GABRB1: variants seen among roughly 807,000 people sequenced by gnomAD.
GABRB1 encodes the protein gamma-aminobutyric acid receptor subunit beta-1.
GABRB1 carries 17 observed loss-of-function variants against 51.6 expected under a neutral mutation model. That is an observed-to-expected ratio of 0.33 (90% CI 0.23 to 0.49). GABRB1 has a LOEUF of 0.49. Ranked by LOEUF, GABRB1 falls within the 20% of genes least tolerant of loss-of-function variation. The pLI is 0.99. For synonymous variants in GABRB1, 247 were observed against 218.9 expected, an observed-to-expected ratio of 1.13 and a Z score of -1.14; for missense variants, 410 against 600.6, an observed-to-expected ratio of 0.68 and a Z score of 3.32.
At chr4:47,011,566 G>A (rs1376911588) in intron 1 of GABRB1, among the ~76,000 whole-genome samples, 1 of 152,172 alleles carries the variant, frequency 6.6e-6, no homozygotes, top group Admixed American at 6.5e-5. Flanking sequence ...TGCTCCCAAA[G>A]AGATCATTTG....
rs1203760644 is a variant in GABRB1, at chr4:47,303,384, C to CTATA, written c.462-16742_462-16741insATAT. On this transcript the variant is annotated intron_variant, in intron 4 of 8. Transcript: ENST00000295454. ...GAAGGTGTGCTCTCTCTCTCTCTCT[C>CTATA]TCTATATATATATATATCATTCTAA... Among the ~76,000 whole-genome samples, 4 of 123,364 alleles carry CTATA rather than the reference C, an allele frequency of 3.2e-5. No homozygotes were observed. In the Admixed American group the frequency reaches 3.5e-4, roughly 11 times the overall value. The allele number at this position is 123,364 out of a possible 152,430, so 80.9% of individuals were successfully genotyped here.
At chr4:47,239,489 A>T (rs1005083862) in intron 4 of GABRB1, among the ~76,000 whole-genome samples, 1 of 152,146 alleles carries the variant, frequency 6.6e-6, no homozygotes, top group Non-Finnish European at 1.5e-5. Flanking sequence ...TAGAGAAAAA[A>T]ATGTATTAGC....
intron 4 of GABRB1, among the ~76,000 whole-genome samples, chr4:47,283,109 C>T (rs890118322): frequency 6.6e-6 from 1 of 152,074 alleles, no homozygotes; most frequent in Non-Finnish European, 1.5e-5. Flanking sequence ...TATTGTAACA[C>T]CCTGAACATG....
chr4:47,032,636 G>A (rs749723545), intron 3 of GABRB1, 152 bp downstream of exon 3: 4 of 753,052 alleles, frequency 5.3e-6, no homozygotes, highest in African/African-American at 5.2e-5. Context: ...ACACACACCC[G>A]GTCGCCCCTG....
chr4:47,249,077 C>T (rs1433061726), intron 4 of GABRB1, among the ~76,000 whole-genome samples: 1 of 151,996 alleles, frequency 6.6e-6, no homozygotes, highest in Non-Finnish European at 1.5e-5. Flanking sequence ...TCTTGTCTCT[C>T]TCATTCCTTG....
At chr4:47,333,534 G>A (rs969203114) in intron 5 of GABRB1, among the ~76,000 whole-genome samples, 1 of 151,990 alleles carries the variant, frequency 6.6e-6, no homozygotes, top group Non-Finnish European at 1.5e-5. Context: ...GGCCAACCTG[G>A]CGAAACCCCA....
intron 4 of GABRB1, among the ~76,000 whole-genome samples, chr4:47,256,809 C>T (rs565669977): frequency 6.6e-6 from 1 of 152,214 alleles, no homozygotes; most frequent in South Asian, 2.1e-4. Flanking sequence ...CCCACCAGAC[C>T]CCTCCTCCAA....
intron 4 of GABRB1, among the ~76,000 whole-genome samples, chr4:47,295,800 T>A (rs905031197): frequency 6.6e-6 from 1 of 152,010 alleles, no homozygotes; most frequent in East Asian, 1.9e-4. Context: ...CCAAGACACA[T>A]AATTGTCAGA....
At chr4:47,093,633 A>G (rs1174005826) in intron 3 of GABRB1, among the ~76,000 whole-genome samples, 3 of 152,234 alleles carry the variant, frequency 2.0e-5, no homozygotes, top group African/African-American at 7.2e-5. Context: ...CTTAATCGAA[A>G]TAGCAAGGGA....
intron 3 of GABRB1, among the ~76,000 whole-genome samples, chr4:47,071,367 T>C (rs1040360506): frequency 6.6e-6 from 1 of 152,164 alleles, no homozygotes; most frequent in Non-Finnish European, 1.5e-5. Context: ...GTCAATGACT[T>C]CCTTTCTTAC....
intron 4 of GABRB1, among the ~76,000 whole-genome samples, chr4:47,235,942 G>T (rs533733635): frequency 6.6e-6 from 1 of 151,910 alleles, no homozygotes; most frequent in African/African-American, 2.4e-5. Context: ...TAGCACAAAC[G>T]TCCCCATTCC....
At chr4:47,126,945 G>A (rs768258811) in intron 3 of GABRB1, among the ~76,000 whole-genome samples, 4 of 151,950 alleles carry the variant, frequency 2.6e-5, no homozygotes, top group African/African-American at 9.6e-5. Flanking sequence ...TATATACAGA[G>A]AGCCTCCCAT....
intron 4 of GABRB1, among the ~76,000 whole-genome samples, chr4:47,269,935 T>TACACACACACACAC (rs10639386): frequency 0.044 from 5,992 of 135,978 alleles, 307 homozygotes; most frequent in African/African-American, 0.073. Context: ...CAACTCTCCC[T>TACACACACACACAC]ACACACACAC....
intron 1 of GABRB1, among the ~76,000 whole-genome samples, chr4:47,011,588 A>T (rs183182930): frequency 3.9e-5 from 6 of 152,320 alleles, no homozygotes; most frequent in Non-Finnish European, 7.3e-5. Flanking sequence ...GGGCATGCAC[A>T]TCTGTTCTGG....
chr4:47,123,142 G>T (rs1715855189), intron 3 of GABRB1, among the ~76,000 whole-genome samples: 2 of 151,300 alleles, frequency 1.3e-5, no homozygotes, highest in Non-Finnish European at 2.9e-5. Context: ...GAAATTCAAT[G>T]ATTCAGTATT....
intron 3 of GABRB1, among the ~76,000 whole-genome samples, chr4:47,075,589 T>C (rs924356475): frequency 1.3e-5 from 2 of 152,174 alleles, no homozygotes; most frequent in African/African-American, 4.8e-5. Context: ...AATAAAACTT[T>C]GAATTAGGTG....
At chr4:47,035,709 TA>T (rs1725524590) in intron 3 of GABRB1, among the ~76,000 whole-genome samples, 1 of 151,848 alleles carries the variant, frequency 6.6e-6, no homozygotes, top group South Asian at 2.1e-4. Flanking sequence ...GCAGTTGGAG[TA>T]AATGGAGACA....
At chr4:47,013,249 A>C (rs536212752) in intron 1 of GABRB1, among the ~76,000 whole-genome samples, 1 of 152,272 alleles carries the variant, frequency 6.6e-6, no homozygotes, top group South Asian at 2.1e-4. Context: ...ATCTCTCTAC[A>C]TACTTAAGAA....
intron 3 of GABRB1, among the ~76,000 whole-genome samples, chr4:47,074,160 GA>G (rs1727455141): frequency 6.6e-6 from 1 of 152,072 alleles, no homozygotes; most frequent in Non-Finnish European, 1.5e-5. Flanking sequence ...ACGGAACAGT[GA>G]ATGCTTTTCA....
Sources: gnomAD v4.1 joint callset for allele counts (sites outside exome capture counted in the v4.1 genomes callset) on GRCh38, gnomAD v4.1.1 for gene constraint, MANE v1.5 for transcripts, NCBI Gene and HGNC (gene_info 2026-07-23, HGNC 2026-07-21) for gene names.